Variants in TBX1 observed in about 807,000 individuals in gnomAD.
The protein encoded by TBX1 is T-box transcription factor TBX1.
TBX1 carries 16 observed loss-of-function variants against 40.8 expected under a neutral mutation model. The observed-to-expected ratio is 0.39, with a 90% CI of 0.27 to 0.60. The LOEUF (loss-of-function observed/expected upper bound fraction) is 0.60, where lower values mean the gene tolerates loss of function less well. TBX1 is among the 20% of genes least tolerant of loss of function. The probability of loss-of-function intolerance (pLI) is 0.51; values close to 1 mark genes in which losing one functional copy is unlikely to be tolerated. For synonymous variants in TBX1, 403 were observed against 336.8 expected, an observed-to-expected ratio of 1.20 and a Z score of -2.15; for missense variants, 755 against 728.5, an observed-to-expected ratio of 1.04 and a Z score of -0.42.
intron 8 of TBX1, among the ~76,000 whole-genome samples, chr22:19,772,573 C>G (rs41300468): frequency 6.6e-6 from 1 of 152,334 alleles, no homozygotes; most frequent in South Asian, 2.1e-4. Context: ...GCCTCAGCCT[C>G]CCAAATTGCT....
At chr22:19,757,071 C>T (rs978763013), upstream of TBX1, among the ~76,000 whole-genome samples, 1 of 152,128 alleles carries the variant, frequency 6.6e-6, no homozygotes, top group Non-Finnish European at 1.5e-5. Context: ...CCCCTTTAGC[C>T]GAGGGCTCCT....
chr22:19,759,823 G>T (rs1384368506), upstream of TBX1: 5 of 1,030,440 alleles, frequency 4.9e-6, no homozygotes, highest in Admixed American at 1.0e-4. Context: ...CAGAGAGGAA[G>T]AGCCGGCATC....
At chr22:19,779,153 G>A in intron 8 of TBX1, 2 of 1,576,888 alleles carry the variant, frequency 1.3e-6, no homozygotes, top group Non-Finnish European at 1.7e-6. Context: ...AGTCTGATCT[G>A]CAAGAAAAGA....
chr22:19,758,057 C>G (rs1471917765), upstream of TBX1, among the ~76,000 whole-genome samples: 1 of 152,154 alleles, frequency 6.6e-6, no homozygotes, highest in African/African-American at 2.4e-5. Context: ...GACTCACATG[C>G]GTTCCTGAAC....
upstream of TBX1, chr22:19,759,513 T>C: frequency 6.6e-7 from 1 of 1,518,212 alleles, no homozygotes; most frequent in South Asian, 1.2e-5. Flanking sequence ...CGGAGCCCGC[T>C]GTCTCCCCGA....
At chr22:19,760,030 A>G (rs867879297), upstream of TBX1, among the ~76,000 whole-genome samples, 49 of 152,288 alleles carry the variant, frequency 3.2e-4, no homozygotes, top group African/African-American at 1.1e-3. Flanking sequence ...GCCTCGAGGA[A>G]GCCGTGGAGA....
intron 1 of TBX1, among the ~76,000 whole-genome samples, chr22:19,763,021 G>A (rs1021540443): frequency 6.6e-6 from 1 of 152,210 alleles, no homozygotes; most frequent in Non-Finnish European, 1.5e-5. Context: ...GTCCAGGAAC[G>A]GCCCAGGAGG....
chr22:19,770,431 T>C (rs778645482), downstream of TBX1, among the ~76,000 whole-genome samples: 2 of 152,212 alleles, frequency 1.3e-5, no homozygotes, highest in Non-Finnish European at 2.9e-5. Context: ...CTCTGCAGCA[T>C]GTGCCCCTTT....
chr22:19,779,541 A>G, exon 9 of TBX1: 2 of 1,516,858 alleles, frequency 1.3e-6, no homozygotes, highest in Non-Finnish European at 1.8e-6. Context: ...CATGTTTTGT[A>G]ATAAATACTT....
At chr22:19,767,822 C>T (rs1185134008), downstream of TBX1, among the ~76,000 whole-genome samples, 4 of 152,188 alleles carry the variant, frequency 2.6e-5, no homozygotes, top group Admixed American at 1.3e-4. Flanking sequence ...GGGATGGGGT[C>T]ATGGAAAGAC....
At chr22:19,773,839 C>T (rs575127150) in intron 8 of TBX1, among the ~76,000 whole-genome samples, 1 of 152,346 alleles carries the variant, frequency 6.6e-6, no homozygotes, top group Non-Finnish European at 1.5e-5. Flanking sequence ...GGGAGATTTG[C>T]CTGGCAAAGC....
chr22:19,761,318 G>T (rs375200847), intron 1 of TBX1, 38 bp downstream of exon 1: 2 of 1,519,158 alleles, frequency 1.3e-6, no homozygotes, highest in South Asian at 1.2e-5. Flanking sequence ...CCCTCCCCAC[G>T]TGCTGCCGCC....
chr22:19,759,417 T>C, upstream of TBX1: 3 of 1,248,542 alleles, frequency 2.4e-6, no homozygotes, highest in Middle Eastern at 5.9e-4. Context: ...CCGGACTCCG[T>C]GGGCTGGGCT....
chr22:19,769,149 C>T (rs924638145), downstream of TBX1, among the ~76,000 whole-genome samples: 23 of 151,864 alleles, frequency 1.5e-4, no homozygotes, highest in African/African-American at 4.8e-4. Context: ...TTAGTAGAGA[C>T]GGGGTTTCAC....
chr22:19,761,194 C>A lies in TBX1; in HGVS notation c.351C>A (p.Ala117=). ...KAPVKKNAKV[A]GVSVQLEMKA... ...CGGTGAAGAAGAACGCGAAGGTGGCCGGTGTGAGCGTGCAGCTAGAGATGA... is the reference window on the plus strand; with the variant it reads ...CGGTGAAGAAGAACGCGAAGGTGGCAGGTGTGAGCGTGCAGCTAGAGATGA... Residue 117 remains alanine (A), a synonymous_variant, in exon 1 of 7, where the codon GCC becomes GCA. Coordinates refer to ENST00000649276, the MANE Select transcript of TBX1 (RefSeq NM_001379200.1). 1 of 1,551,632 alleles carries A rather than the reference C, an allele frequency of 6.4e-7. No homozygotes were observed. Among genetic ancestry groups the A allele is most frequent in the South Asian group, 1.2e-5 (1 of 86,768 alleles).
intron 3 of TBX1, 49 bp downstream of exon 3, chr22:19,764,375 C>T (rs1002710171): frequency 1.3e-5 from 21 of 1,559,928 alleles, no homozygotes; most frequent in Middle Eastern, 3.3e-4. Flanking sequence ...GCCTCGAGTC[C>T]CGAGGCACCC....
chr22:19,767,870 C>G (rs573541743), downstream of TBX1, among the ~76,000 whole-genome samples: 275 of 152,348 alleles, frequency 1.8e-3, no homozygotes, highest in Non-Finnish European at 3.2e-3. Flanking sequence ...ATTTCCCCTG[C>G]CGGCCTAGCC....
At chr22:19,771,587 C>T (rs2145845221), downstream of TBX1, among the ~76,000 whole-genome samples, 1 of 152,328 alleles carries the variant, frequency 6.6e-6, no homozygotes, top group Non-Finnish European at 1.5e-5. Flanking sequence ...TTCAATTGCA[C>T]AAAGTAAGCA....
At chr22:19,778,790 G>A (rs1426401045) in intron 8 of TBX1, among the ~76,000 whole-genome samples, 2 of 152,214 alleles carry the variant, frequency 1.3e-5, no homozygotes, top group South Asian at 2.1e-4. Flanking sequence ...GTGGCGGCAG[G>A]TGCCTGTAAT....
Sources: gnomAD v4.1 joint callset for allele counts (sites outside exome capture counted in the v4.1 genomes callset) on GRCh38, gnomAD v4.1.1 for gene constraint, MANE v1.5 for transcripts, NCBI Gene and HGNC (gene_info 2026-07-23, HGNC 2026-07-21) for gene names.